MARCHF8: variants seen among roughly 807,000 people sequenced by gnomAD.
The protein encoded by MARCHF8 is E3 ubiquitin-protein ligase MARCHF8.
MARCHF8 carries 40 observed loss-of-function variants against 51.6 expected under a neutral mutation model. The ratio of observed to expected loss-of-function variants is 0.77; its 90% CI spans 0.60 to 1.01. MARCHF8 has a LOEUF of 1.01. Ranked by LOEUF, MARCHF8 falls within the 50% of genes least tolerant of loss-of-function variation. The pLI is 0.00. For missense variants in MARCHF8, 685 were observed against 708.6 expected (o/e 0.97, Z 0.38); for synonymous variants, 263 against 280.3 (o/e 0.94, Z 0.62).
At chr10:45,576,220 T>A (rs1450867756) in intron 1 of MARCHF8, among the ~76,000 whole-genome samples, 1 of 152,196 alleles carries the variant, frequency 6.6e-6, no homozygotes, top group Non-Finnish European at 1.5e-5. Context: ...CATATACAGT[T>A]AAATGATTTT....
intron 3 of MARCHF8, among the ~76,000 whole-genome samples, chr10:45,466,393 GGT>G (rs1316863963): frequency 6.6e-6 from 1 of 152,148 alleles, no homozygotes; most frequent in Non-Finnish European, 1.5e-5. Context: ...GCCTGATCAC[GGT>G]GTATTGCAGA....
At chr10:45,509,213 C>T (rs1466322899) in intron 2 of MARCHF8, among the ~76,000 whole-genome samples, 1 of 152,152 alleles carries the variant, frequency 6.6e-6, no homozygotes, top group African/African-American at 2.4e-5. Flanking sequence ...ACTACTAACC[C>T]CACATCCAGT....
chr10:45,463,065 T>C, intron 5 of MARCHF8, 86 bp downstream of exon 5: 1 of 1,446,530 alleles, frequency 6.9e-7, no homozygotes, highest in Non-Finnish European at 9.2e-7. Context: ...TATTACTTCA[T>C]TTTCCTGAAA....
chr10:45,490,596 G>A (rs1057146425), intron 2 of MARCHF8, among the ~76,000 whole-genome samples: 4 of 151,764 alleles, frequency 2.6e-5, no homozygotes, highest in Admixed American at 6.6e-5. Context: ...AAACAACTAC[G>A]ATCATCTTCC....
intron 2 of MARCHF8, among the ~76,000 whole-genome samples, chr10:45,497,666 A>C (rs1360690724): frequency 1.3e-5 from 2 of 152,242 alleles, no homozygotes; most frequent in African/African-American, 4.8e-5. Context: ...AAATTAAACA[A>C]CAAAATCTGA....
chr10:45,545,613 T>C (rs2044110478), intron 1 of MARCHF8, among the ~76,000 whole-genome samples: 3 of 152,218 alleles, frequency 2.0e-5, no homozygotes, highest in Non-Finnish European at 2.9e-5. Flanking sequence ...CAAGTATAAG[T>C]AGTTAAGAAT....
intron 2 of MARCHF8, among the ~76,000 whole-genome samples, chr10:45,510,458 A>G (rs1263713949): frequency 6.6e-6 from 1 of 152,208 alleles, no homozygotes; most frequent in Non-Finnish European, 1.5e-5. Context: ...CAAGAAGTTC[A>G]ATTTTGAAAT....
intron 2 of MARCHF8, among the ~76,000 whole-genome samples, chr10:45,525,123 T>A (rs1223756118): frequency 2.6e-5 from 4 of 152,226 alleles, no homozygotes; most frequent in African/African-American, 9.7e-5. Context: ...CATTGTGAGG[T>A]CATTTTTTCA....
chr10:45,576,691 G>C (rs764785179), intron 1 of MARCHF8, among the ~76,000 whole-genome samples: 6 of 151,682 alleles, frequency 4.0e-5, no homozygotes, highest in Non-Finnish European at 8.8e-5. Flanking sequence ...GGAGGCCAAG[G>C]CAGGAGAATT....
chr10:45,537,125 A>G (rs71496613), upstream of MARCHF8, among the ~76,000 whole-genome samples: 1 of 152,110 alleles, frequency 6.6e-6, no homozygotes, highest in East Asian at 1.9e-4. Flanking sequence ...AACAACTTCA[A>G]TCCTAGGGTA....
At chr10:45,481,231 T>C (rs1213472339) in intron 3 of MARCHF8, among the ~76,000 whole-genome samples, 1 of 152,232 alleles carries the variant, frequency 6.6e-6, no homozygotes, top group Non-Finnish European at 1.5e-5. Flanking sequence ...AGAAACTAAC[T>C]AACTTGATTT....
intron 1 of MARCHF8, among the ~76,000 whole-genome samples, chr10:45,559,597 G>A (rs952879535): frequency 4.6e-5 from 7 of 152,130 alleles, no homozygotes; most frequent in African/African-American, 1.7e-4. Context: ...ATAAGAATTT[G>A]TTTTCATTTA....
At chr10:45,492,271 CT>C (rs1329561151) in intron 2 of MARCHF8, among the ~76,000 whole-genome samples, 1 of 151,858 alleles carries the variant, frequency 6.6e-6, no homozygotes, top group African/African-American at 2.4e-5. Context: ...ATAAACACTG[CT>C]CTTTTTCTTC....
intron 5 of MARCHF8, 57 bp downstream of exon 5, chr10:45,463,094 G>A (rs1842844961): frequency 2.0e-6 from 3 of 1,492,810 alleles, no homozygotes; most frequent in African/African-American, 1.4e-5. Flanking sequence ...ACTAAAGCAA[G>A]AGGAGGTTCC....
intron 1 of MARCHF8, among the ~76,000 whole-genome samples, chr10:45,569,511 G>C (rs142072464): frequency 6.6e-6 from 1 of 152,226 alleles, no homozygotes; most frequent in East Asian, 1.9e-4. Context: ...CTAGTATTTT[G>C]TTGAGGATTT....
At chr10:45,468,044 C>T (rs931994222) in intron 3 of MARCHF8, among the ~76,000 whole-genome samples, 4 of 152,128 alleles carry the variant, frequency 2.6e-5, no homozygotes, top group Non-Finnish European at 4.4e-5. Flanking sequence ...CAAAACAAAC[C>T]TCTGGATTTC....
intron 2 of MARCHF8, among the ~76,000 whole-genome samples, chr10:45,489,779 T>C (rs925595181): frequency 1.3e-5 from 2 of 152,122 alleles, no homozygotes; most frequent in African/African-American, 4.8e-5. Context: ...ACATTTCAAG[T>C]GGAGAGGCTG....
At chr10:45,502,015 T>G (rs756472588) in intron 2 of MARCHF8, among the ~76,000 whole-genome samples, 18 of 152,136 alleles carry the variant, frequency 1.2e-4, no homozygotes, top group Non-Finnish European at 2.1e-4. Context: ...ATAAAGAAAC[T>G]AGATCACTTA....
At chr10:45,562,443 T>C (rs1034407487) in intron 1 of MARCHF8, among the ~76,000 whole-genome samples, 1 of 152,134 alleles carries the variant, frequency 6.6e-6, no homozygotes, top group Non-Finnish European at 1.5e-5. Context: ...GCTCAGACTA[T>C]AGAATTCTCA....
Sources: allele counts gnomAD v4.1 joint callset (sites outside exome capture counted in the v4.1 genomes callset), GRCh38; gene constraint gnomAD v4.1.1; transcripts MANE v1.5; gene names NCBI Gene and HGNC (gene_info 2026-07-23, HGNC 2026-07-21).